Variants in HEATR5B observed in about 807,000 individuals in gnomAD.
HEATR5B encodes the protein HEAT repeat-containing protein 5B.
Under a neutral mutation model 224.1 loss-of-function variants are expected in HEATR5B, and 156 were observed. That is an observed-to-expected ratio of 0.70 (90% CI 0.61 to 0.80). The LOEUF (loss-of-function observed/expected upper bound fraction) is 0.80, where lower values mean the gene tolerates loss of function less well. HEATR5B is among the 30% of genes least tolerant of loss of function. HEATR5B has a pLI of 0.00. For synonymous variants in HEATR5B, 1,027 were observed against 893.0 expected (o/e 1.15, Z -2.68); for missense variants, 2,323 against 2,535.5 (o/e 0.92, Z 1.80).
intron 11 of HEATR5B, 51 bp downstream of exon 11, chr2:37,061,888 G>T: frequency 2.9e-6 from 3 of 1,031,898 alleles, no homozygotes; most frequent in South Asian, 1.4e-5. Context: ...TTGCTTTACA[G>T]GCTACTGACA....
intron 9 of HEATR5B, 119 bp from the exon 10 acceptor site, chr2:37,065,109 T>C (rs965202460): frequency 9.0e-6 from 9 of 998,996 alleles, no homozygotes; most frequent in Non-Finnish European, 1.3e-5. Flanking sequence ...CACATATAGA[T>C]CCACAACTTT....
intron 15 of HEATR5B, 36 bp downstream of exon 15, chr2:37,057,281 T>A: frequency 6.7e-7 from 1 of 1,495,468 alleles, no homozygotes; most frequent in Non-Finnish European, 9.1e-7. Flanking sequence ...TTGTTTCAGA[T>A]TAAGTTAGTA....
chr2:37,007,439 G>T, intron 28 of HEATR5B, 135 bp from the exon 29 acceptor site: 1 of 957,560 alleles, frequency 1.0e-6, no homozygotes, highest in East Asian at 2.8e-5. Flanking sequence ...CTCCTGCTGG[G>T]TTCAAGCAAT....
chr2:37,077,680 T>C (rs1268768853), intron 3 of HEATR5B, among the ~76,000 whole-genome samples: 1 of 152,260 alleles, frequency 6.6e-6, no homozygotes, highest in Non-Finnish European at 1.5e-5. Context: ...TTTCATTATA[T>C]GTAACACTTA....
intron 19 of HEATR5B, 29 bp downstream of exon 19, chr2:37,041,104 T>C (rs764529258): frequency 8.5e-5 from 134 of 1,576,912 alleles, no homozygotes; most frequent in Non-Finnish European, 1.1e-4. Flanking sequence ...TTCTAAACTT[T>C]TGTAATAAAA....
intron 34 of HEATR5B, among the ~76,000 whole-genome samples, chr2:36,990,386 A>G (rs915825633): frequency 6.6e-6 from 1 of 152,230 alleles, no homozygotes; most frequent in African/African-American, 2.4e-5. Flanking sequence ...ACTGGAAAAC[A>G]TAATCATAGA....
chr2:37,008,552 A>G (rs770424899), intron 28 of HEATR5B, 59 bp downstream of exon 28: 1 of 1,166,798 alleles, frequency 8.6e-7, no homozygotes, highest in Non-Finnish European at 1.3e-6. Flanking sequence ...TACCGTCTCT[A>G]TTTTGTTTAA....
In HEATR5B at chr2:37,076,526, C is replaced by CT. The variant is rs539509237; in HGVS notation, c.447+384dup. ...CAGTGGAAACATGGCCTTGCTGACA[C>CT]TTTATCGCAGACCTCCAGCTTCCAG... On this transcript the variant is annotated intron_variant, in intron 4 of 35. Transcript: ENST00000233099. Among the ~76,000 whole-genome samples the CT allele has an allele frequency of 9.9e-5, 15 of 152,182 alleles. No homozygotes were observed. The South Asian group carries it at 2.9e-3, about 29-fold the overall frequency.
At chr2:37,038,887 A>T (rs1669686210) in intron 20 of HEATR5B, among the ~76,000 whole-genome samples, 1 of 130,876 alleles carries the variant, frequency 7.6e-6, no homozygotes, top group Non-Finnish European at 1.6e-5. Context: ...GAGACAGAGC[A>T]AGACTCTGTC....
At chr2:37,023,558 C>A (rs865827026) in intron 24 of HEATR5B, among the ~76,000 whole-genome samples, 1 of 152,062 alleles carries the variant, frequency 6.6e-6, no homozygotes, top group Non-Finnish European at 1.5e-5. Flanking sequence ...CACTTGAGGC[C>A]AGGAGTTTGA....
intron 35 of HEATR5B, among the ~76,000 whole-genome samples, chr2:36,988,397 G>C (rs1666090406): frequency 6.6e-6 from 1 of 151,872 alleles, no homozygotes. Context: ...CAAGTAGCTG[G>C]GACAGCAGGT....
intron 26 of HEATR5B, among the ~76,000 whole-genome samples, chr2:37,015,875 T>C (rs907897198): frequency 2.6e-5 from 4 of 152,218 alleles, no homozygotes. Context: ...TTAAATTTTT[T>C]TCAAGGACAG....
At chr2:37,020,444 T>C (rs1290378366) in intron 25 of HEATR5B, among the ~76,000 whole-genome samples, 1 of 152,226 alleles carries the variant, frequency 6.6e-6, no homozygotes, top group African/African-American at 2.4e-5. Flanking sequence ...TAATATGTTA[T>C]CACAACTTAA....
At chr2:36,982,520 T>C (rs1047673063) in intron 35 of HEATR5B, among the ~76,000 whole-genome samples, 4 of 152,170 alleles carry the variant, frequency 2.6e-5, no homozygotes, top group African/African-American at 9.7e-5. Context: ...TAACATCTCA[T>C]AATCACATTG....
chr2:36,998,479 T>A (rs747526757), intron 33 of HEATR5B, among the ~76,000 whole-genome samples: 6 of 152,146 alleles, frequency 3.9e-5, no homozygotes, highest in Non-Finnish European at 8.8e-5. Context: ...ATGTTGGAGG[T>A]CAATCTGGCA....
At chr2:37,010,350 C>T (rs967062883) in intron 27 of HEATR5B, among the ~76,000 whole-genome samples, 25 of 152,098 alleles carry the variant, frequency 1.6e-4, no homozygotes, top group African/African-American at 5.8e-4. Flanking sequence ...ATGAGAAGCA[C>T]TGTGTCTTAC....
chr2:37,004,445 CT>C (rs1437064913), intron 30 of HEATR5B, among the ~76,000 whole-genome samples: 1 of 151,430 alleles, frequency 6.6e-6, no homozygotes. Context: ...CATGTCCCCC[CT>C]GCACTATTCC....
At chr2:37,058,674 A>G in intron 13 of HEATR5B, 114 bp from the exon 14 acceptor site, 1 of 744,092 alleles carries the variant, frequency 1.3e-6, no homozygotes, top group Non-Finnish European at 2.2e-6. Context: ...ATACACTTTC[A>G]TTTTAGCTTA....
intron 14 of HEATR5B, 24 bp from the exon 15 acceptor site, chr2:37,057,504 G>C: frequency 1.3e-6 from 2 of 1,526,500 alleles, no homozygotes; most frequent in Admixed American, 2.2e-5. Context: ...CTTCAGATCA[G>C]ATTAAAAAGA....
Sources: allele counts gnomAD v4.1 joint callset (sites outside exome capture counted in the v4.1 genomes callset), GRCh38; gene constraint gnomAD v4.1.1; transcripts MANE v1.5; gene names NCBI Gene and HGNC (gene_info 2026-07-23, HGNC 2026-07-21).